VPS8: variants seen among roughly 807,000 people sequenced by gnomAD.
VPS8 encodes the protein vacuolar protein sorting-associated protein 8 homolog.
VPS8 carries 129 observed loss-of-function variants against 216.4 expected under a neutral mutation model. That is an observed-to-expected ratio of 0.60 (90% confidence interval 0.52 to 0.69). The LOEUF (loss-of-function observed/expected upper bound fraction) is 0.69, where lower values mean the gene tolerates loss of function less well. Among genes scored for constraint, VPS8 ranks in the 30% least tolerant of loss-of-function variants. The pLI is 0.00. For missense variants in VPS8, 1,531 were observed against 1,683.5 expected (o/e 0.91, Z 1.59); for synonymous variants, 571 against 565.4 (o/e 1.01, Z -0.14).
chr3:185,006,018 A>G (rs1754202738), intron 45 of VPS8, among the ~76,000 whole-genome samples: 1 of 152,208 alleles, frequency 6.6e-6, no homozygotes, highest in South Asian at 2.1e-4. Context: ...CATCAGCAAA[A>G]GTTTGTTTCT....
In VPS8 at chr3:185,046,644, G is replaced by T. The variant is rs543171727; in HGVS notation, c.4057-1835G>T. On this transcript the variant is annotated intron_variant, in intron 46 of 47. Transcript: ENST00000625842. Reference sequence around the variant, plus strand: ...CTCTGGGAGTATAAACAACACAATCGCAGTAATTACTGCCATTGATTGAAC... The same window carrying T: ...CTCTGGGAGTATAAACAACACAATCTCAGTAATTACTGCCATTGATTGAAC... 1.8e-4 allele frequency among the ~76,000 whole-genome samples: 28 copies of T among 152,246 alleles called. 1 individual carries two copies. The highest frequency in any genetic ancestry group is 6.7e-4 in the African/African-American group (28 of 41,548).
At chr3:184,936,373 GTGGAA>G in intron 35 of VPS8, 38 bp downstream of exon 35, 1 of 1,527,156 alleles carries the variant, frequency 6.5e-7, no homozygotes, top group Non-Finnish European at 9.0e-7. Flanking sequence ...AAAATATCTA[GTGGAA>G]AGACAATTAT....
intron 36 of VPS8, among the ~76,000 whole-genome samples, chr3:184,951,482 A>T (rs1199899032): frequency 1.5e-5 from 2 of 134,788 alleles, no homozygotes; most frequent in African/African-American, 2.9e-5. Context: ...GAGACTGTCT[A>T]AAAAAAAAAA....
chr3:184,821,707 CTAAG>C (rs1394952122), intron 1 of VPS8, among the ~76,000 whole-genome samples: 2 of 152,080 alleles, frequency 1.3e-5, no homozygotes, highest in Non-Finnish European at 2.9e-5. Context: ...TACCTAGAAC[CTAAG>C]TTCTATCAAT....
chr3:184,854,909 T>C (rs964736828), intron 13 of VPS8, among the ~76,000 whole-genome samples: 1 of 152,172 alleles, frequency 6.6e-6, no homozygotes, highest in Non-Finnish European at 1.5e-5. Context: ...GAGGTGTTGA[T>C]AGGATGGGAT....
chr3:184,949,465 G>T (rs971723085), intron 36 of VPS8, among the ~76,000 whole-genome samples: 4 of 152,094 alleles, frequency 2.6e-5, no homozygotes, highest in African/African-American at 9.7e-5. Context: ...TGCCTGCTTT[G>T]TTCTGTGCCT....
At chr3:184,825,876 G>C (rs772485291) in intron 2 of VPS8, among the ~76,000 whole-genome samples, 23 of 151,938 alleles carry the variant, frequency 1.5e-4, no homozygotes, top group Non-Finnish European at 2.8e-4. Context: ...ACTCCAGCCT[G>C]GGCATCACAG....
chr3:184,947,533 G>T (rs1320121021), intron 36 of VPS8, among the ~76,000 whole-genome samples: 1 of 151,476 alleles, frequency 6.6e-6, no homozygotes, highest in African/African-American at 2.4e-5. Context: ...ATTTCAGGAG[G>T]TGATGTTGTG....
intron 43 of VPS8, among the ~76,000 whole-genome samples, chr3:184,994,728 A>G (rs1458849975): frequency 6.6e-6 from 1 of 152,256 alleles, no homozygotes; most frequent in Non-Finnish European, 1.5e-5. Context: ...AAATTAAATG[A>G]GTATTATTTT....
intron 45 of VPS8, among the ~76,000 whole-genome samples, chr3:185,016,795 G>C (rs896064664): frequency 6.6e-6 from 1 of 152,162 alleles, no homozygotes; most frequent in African/African-American, 2.4e-5. Context: ...CTATGTGTCC[G>C]TTTTCTAATT....
chr3:184,972,918 C>T (rs186945468), intron 40 of VPS8, among the ~76,000 whole-genome samples: 12 of 152,296 alleles, frequency 7.9e-5, no homozygotes, highest in Non-Finnish European at 1.0e-4. Flanking sequence ...AAATGGGGAA[C>T]AGGTTAATTA....
chr3:185,030,198 G>C (rs1757923225), intron 46 of VPS8, among the ~76,000 whole-genome samples: 2 of 152,334 alleles, frequency 1.3e-5, no homozygotes, highest in African/African-American at 2.4e-5. Context: ...AGGAGAGTTA[G>C]TTGGGGGCAG....
At chr3:184,867,687 A>G (rs1727616480) in intron 17 of VPS8, among the ~76,000 whole-genome samples, 1 of 152,164 alleles carries the variant, frequency 6.6e-6, no homozygotes, top group South Asian at 2.1e-4. Context: ...CTCTAGTAAA[A>G]ATACAAAAAT....
Position 184,994,051 on chromosome 3 carries a change from T to G in VPS8, c.3654T>G (p.Phe1218Leu). The G allele has an allele frequency of 6.4e-7, 1 of 1,561,094 alleles. No homozygotes were observed. The highest frequency in any genetic ancestry group is 8.7e-7 in the Non-Finnish European group (1 of 1,153,542). The change falls in exon 43 of 48, where the codon TTT (phenylalanine) becomes TTG (leucine). Residue 1218 changes from phenylalanine to leucine, a missense_variant. Physicochemically the swap from Phe to Leu is conservative, Grantham distance 22. Transcript: ENST00000625842. ...TTATCTTGGGAATGTTAGATACCTTTAACTATGAACAAGTAAGTAAGCTAC... is the reference window on the plus strand; with the variant it reads ...TTATCTTGGGAATGTTAGATACCTTGAACTATGAACAAGTAAGTAAGCTAC... ...QGLILGMLDT[F>L]NYEQTLLETT...
intron 46 of VPS8, among the ~76,000 whole-genome samples, chr3:185,029,667 C>CCTGGG (rs1561193703): frequency 1.3e-5 from 2 of 151,898 alleles, no homozygotes; most frequent in Non-Finnish European, 2.9e-5. Flanking sequence ...CAGGTTCAAG[C>CCTGGG]AGTTCTGCTG....
chr3:184,980,284 T>C (rs1350678464), intron 40 of VPS8, among the ~76,000 whole-genome samples: 2 of 152,082 alleles, frequency 1.3e-5, no homozygotes, highest in Non-Finnish European at 2.9e-5. Context: ...GGTCATCTTG[T>C]ATAATATCTC....
rs111843814 is a variant in VPS8, at chr3:184,902,896, A to G, written c.2146+1924A>G. ...TAAATATTTTCTCCTACATTTTCTTATAGAAATTTAATAGCTTTAACTCTT... is the reference window on the plus strand; with the variant it reads ...TAAATATTTTCTCCTACATTTTCTTGTAGAAATTTAATAGCTTTAACTCTT... On this transcript the variant is annotated intron_variant, in intron 25 of 47. Coordinates refer to ENST00000625842, the MANE Select transcript of VPS8 (RefSeq NM_001009921.3). 2.6e-3 allele frequency among the ~76,000 whole-genome samples: 392 copies of G among 151,326 alleles called. 1 individual carries two copies. The highest frequency in any genetic ancestry group is 0.011 in the Middle Eastern group (3 of 284).
chr3:184,928,229 G>T (rs1740032270), intron 31 of VPS8, among the ~76,000 whole-genome samples: 1 of 152,172 alleles, frequency 6.6e-6, no homozygotes, highest in South Asian at 2.1e-4. Context: ...TTCTTTCCAT[G>T]TTTGGAAAGC....
At chr3:184,918,909 C>G (rs1738103574) in intron 28 of VPS8, 2 of 152,272 alleles carry the variant, frequency 1.3e-5, no homozygotes, top group South Asian at 4.1e-4. Context: ...TCATATTCAA[C>G]CCACATATAC....
Sources: allele counts gnomAD v4.1 joint callset (sites outside exome capture counted in the v4.1 genomes callset), GRCh38; gene constraint gnomAD v4.1.1; transcripts MANE v1.5; gene names NCBI Gene and HGNC (gene_info 2026-07-23, HGNC 2026-07-21).